Variants in CLIC5 observed in about 807,000 individuals in gnomAD.
CLIC5 encodes the protein CLIC family member 5, also known as chloride intracellular channel protein 5.
In CLIC5, 20 loss-of-function variants were observed where a neutral mutation model predicts 24.7. The ratio of observed to expected loss-of-function variants is 0.81; its 90% CI spans 0.57 to 1.18. CLIC5 has a LOEUF of 1.18. Among genes scored for constraint, CLIC5 ranks in the 50% most tolerant of loss-of-function variants. The pLI is 0.00. For synonymous variants in CLIC5, 159 were observed against 135.6 expected (o/e 1.17, Z -1.20); for missense variants, 341 against 326.1 (o/e 1.05, Z -0.35).
At chr6:46,090,837 G>A in the CLIC5 span, among the ~76,000 whole-genome samples, 1 of 152,130 alleles carries the variant, frequency 6.6e-6, no homozygotes, top group South Asian at 2.1e-4. Flanking sequence ...TCTGTACATA[G>A]TGAAATGTAA....
intron 1 of CLIC5, among the ~76,000 whole-genome samples, chr6:45,957,745 G>A (rs1292040707): frequency 1.3e-5 from 2 of 152,196 alleles, no homozygotes; most frequent in African/African-American, 4.8e-5. Flanking sequence ...CACTGTCTGG[G>A]TGTCCCTCTT....
intron 4 of CLIC5, chr6:45,918,855 A>T (rs1763137509): frequency 1.4e-6 from 1 of 704,644 alleles, no homozygotes; most frequent in Non-Finnish European, 1.7e-6. Flanking sequence ...ACTACCATTT[A>T]AACACACAAT....
At chr6:45,995,543 T>C (rs1295460446) in intron 1 of CLIC5, among the ~76,000 whole-genome samples, 1 of 152,192 alleles carries the variant, frequency 6.6e-6, no homozygotes, top group Non-Finnish European at 1.5e-5. Flanking sequence ...CAATACTGGG[T>C]TGACATTTCT....
intron 1 of CLIC5, among the ~76,000 whole-genome samples, chr6:45,958,567 C>T (rs1417316729): frequency 2.0e-5 from 3 of 149,494 alleles, no homozygotes; most frequent in Non-Finnish European, 4.4e-5. Context: ...TCCCTAGATA[C>T]AGTGTATATA....
At chr6:46,116,764 C>A in the CLIC5 span, among the ~76,000 whole-genome samples, 1 of 152,108 alleles carries the variant, frequency 6.6e-6, no homozygotes, top group Non-Finnish European at 1.5e-5. Context: ...AAAGGGTGGA[C>A]AAAATTGTTG....
chr6:46,127,992 C>T, the CLIC5 span, among the ~76,000 whole-genome samples: 1 of 152,186 alleles, frequency 6.6e-6, no homozygotes, highest in Non-Finnish European at 1.5e-5. Flanking sequence ...GAACTGAGTA[C>T]ATTATGAAAT....
intron 1 of CLIC5, among the ~76,000 whole-genome samples, chr6:46,035,431 C>T (rs1355951126): frequency 6.6e-6 from 1 of 152,126 alleles, no homozygotes; most frequent in Non-Finnish European, 1.5e-5. Flanking sequence ...GGCTATTGTC[C>T]GATGCCTCAA....
At chr6:45,958,425 TATATA>T (rs1561964347) in intron 1 of CLIC5, among the ~76,000 whole-genome samples, 3 of 5,120 alleles carry the variant, frequency 5.9e-4, no homozygotes, top group South Asian at 1.9e-3. Context: ...AAGACAATTA[TATATA>T]TATATATATA....
chr6:46,027,708 A>G (rs1030175388), intron 1 of CLIC5, among the ~76,000 whole-genome samples: 34 of 152,224 alleles, frequency 2.2e-4, no homozygotes, highest in African/African-American at 8.2e-4. Context: ...ACTCCTGTGT[A>G]TAAAAGATAA....
chr6:46,006,661 A>G (rs895509293), intron 1 of CLIC5, among the ~76,000 whole-genome samples: 4 of 150,472 alleles, frequency 2.7e-5, no homozygotes, highest in African/African-American at 9.8e-5. Context: ...CTCCCTCTCA[A>G]ATGATATTTC....
intron 1 of CLIC5, among the ~76,000 whole-genome samples, chr6:45,961,324 C>T (rs1399450025): frequency 6.6e-6 from 1 of 152,216 alleles, no homozygotes; most frequent in Non-Finnish European, 1.5e-5. Context: ...TAACTGACCT[C>T]AGGAATGCTA....
rs1020589452 is a variant in CLIC5, at chr6:46,080,109, T to C, written c.134A>G (p.Asp45Gly). The stretch of plus-strand genomic sequence containing the variant: ...GGTATTCAGCTGAGTGGCATATAAA[T>C]CATTTTCTGGCCTTAAGTACTCATG... The change falls in exon 1 of 6, where the codon GAT (aspartate) becomes GGT (glycine). Residue 45 changes from aspartate to glycine, a missense_variant. Asp to Gly is a moderately conservative substitution (Grantham distance 94). Transcript: ENST00000185206. 2.7e-5 allele frequency: 42 copies of C among 1,551,720 alleles called. No homozygotes were observed. The East Asian group carries it at 1.0e-3, about 38-fold the overall frequency.
intron 1 of CLIC5, among the ~76,000 whole-genome samples, chr6:45,995,606 C>A (rs1766105734): frequency 6.6e-6 from 1 of 152,184 alleles, no homozygotes; most frequent in Non-Finnish European, 1.5e-5. Flanking sequence ...TAAAATAAAT[C>A]TTTGGTGCTA....
At chr6:46,108,896 A>G in the CLIC5 span, among the ~76,000 whole-genome samples, 1 of 152,182 alleles carries the variant, frequency 6.6e-6, no homozygotes. Context: ...AACTTTTTGT[A>G]TATTAGGGAT....
At chr6:45,976,701 C>G (rs1765396601) in intron 1 of CLIC5, among the ~76,000 whole-genome samples, 2 of 152,186 alleles carry the variant, frequency 1.3e-5, no homozygotes, top group South Asian at 4.1e-4. Context: ...ACAGTTTTGT[C>G]CTTCACTGGA....
intron 2 of CLIC5, among the ~76,000 whole-genome samples, chr6:45,950,205 C>T (rs577724292): frequency 1.2e-3 from 178 of 152,314 alleles, no homozygotes; most frequent in African/African-American, 4.1e-3. Context: ...GGACCCAGAA[C>T]CATGCCTGGC....
At chr6:46,080,319 A>G in exon 1 of CLIC5, 3 of 1,270,608 alleles carry the variant, frequency 2.4e-6, no homozygotes, top group Non-Finnish European at 3.3e-6. Flanking sequence ...AGGATGCTGC[A>G]CCACCTTGCA....
chr6:45,936,967 T>G (rs1038099524), intron 4 of CLIC5, among the ~76,000 whole-genome samples: 24 of 151,994 alleles, frequency 1.6e-4, no homozygotes, highest in African/African-American at 5.8e-4. Flanking sequence ...ATCTGGTTAC[T>G]GCAGACCAAG....
At chr6:45,989,475 C>T (rs569893568) in intron 1 of CLIC5, among the ~76,000 whole-genome samples, 3 of 152,274 alleles carry the variant, frequency 2.0e-5, no homozygotes, top group East Asian at 3.9e-4. Context: ...AAGTAGTTTT[C>T]TAGATTCACC....
Sources: gnomAD v4.1 joint callset for allele counts (sites outside exome capture counted in the v4.1 genomes callset) on GRCh38, gnomAD v4.1.1 for gene constraint, MANE v1.5 for transcripts, NCBI Gene and HGNC (gene_info 2026-07-23, HGNC 2026-07-21) for gene names.